RBFOX1: variants seen among roughly 807,000 people sequenced by gnomAD.
RBFOX1 encodes the protein RNA binding fox-1 homolog 1, also known as RNA binding protein fox-1 homolog 1.
A neutral mutation model predicts 57.7 loss-of-function variants in RBFOX1; 8 were observed. The observed-to-expected ratio is 0.14, with a 90% CI of 0.08 to 0.25. The LOEUF (loss-of-function observed/expected upper bound fraction) is 0.25, where lower values mean the gene tolerates loss of function less well. RBFOX1 is among the 10% of genes least tolerant of loss of function. RBFOX1 has a pLI of 1.00. For missense variants in RBFOX1, 611 were observed against 548.5 expected, an observed-to-expected ratio of 1.11 and a Z score of -1.14; for synonymous variants, 326 against 222.4, an observed-to-expected ratio of 1.47 and a Z score of -4.15.
intron 4 of RBFOX1, among the ~76,000 whole-genome samples, chr16:7,163,069 A>G (rs1168651950): frequency 1.3e-5 from 2 of 152,210 alleles, no homozygotes; most frequent in African/African-American, 4.8e-5. Context: ...CATCTTGTTT[A>G]TCTGCCAAGC....
At chr16:6,708,537 C>G (rs1396634040) in intron 3 of RBFOX1, among the ~76,000 whole-genome samples, 1 of 152,152 alleles carries the variant, frequency 6.6e-6, no homozygotes, top group South Asian at 2.1e-4. Flanking sequence ...CAATTTCGCA[C>G]AAATATGTTT....
chr16:7,026,215 A>G (rs1429600516), intron 3 of RBFOX1, among the ~76,000 whole-genome samples: 1 of 152,176 alleles, frequency 6.6e-6, no homozygotes, highest in Non-Finnish European at 1.5e-5. Context: ...CGTCTCTTCT[A>G]GGAAGGCAAG....
chr16:7,325,302 C>G (rs765073888), intron 4 of RBFOX1, among the ~76,000 whole-genome samples: 8 of 152,166 alleles, frequency 5.3e-5, no homozygotes, highest in Admixed American at 1.3e-4. Flanking sequence ...ATCTGAGGCA[C>G]AGAGAGGTTA....
intron 12 of RBFOX1, among the ~76,000 whole-genome samples, chr16:7,658,824 A>G (rs1265291926): frequency 6.6e-6 from 1 of 152,184 alleles, no homozygotes; most frequent in Non-Finnish European, 1.5e-5. Flanking sequence ...TCCTGGGTTC[A>G]AGCAATTCTC....
chr16:7,630,266 A>C (rs566060503), intron 10 of RBFOX1, among the ~76,000 whole-genome samples: 6 of 151,988 alleles, frequency 3.9e-5, no homozygotes, highest in Admixed American at 1.3e-4. Flanking sequence ...CAGGCTTACT[A>C]TCTAGCTCCC....
At chr16:6,213,269 G>A (rs890035139) in intron 1 of RBFOX1, among the ~76,000 whole-genome samples, 1 of 151,978 alleles carries the variant, frequency 6.6e-6, no homozygotes, top group African/African-American at 2.4e-5. Flanking sequence ...CTTTCTAGGT[G>A]GCTTTGTCAT....
At chr16:7,630,582 A>ATCTC in intron 10 of RBFOX1, 21 bp from the exon 11 acceptor site, 1 of 1,609,850 alleles carries the variant, frequency 6.2e-7, no homozygotes, top group Non-Finnish European at 8.5e-7. Flanking sequence ...ACCAGATACC[A>ATCTC]TCTCTCTCTC....
At chr16:7,159,751 G>T (rs111914530) in intron 4 of RBFOX1, among the ~76,000 whole-genome samples, 10 of 152,138 alleles carry the variant, frequency 6.6e-5, no homozygotes, top group African/African-American at 2.4e-4. Flanking sequence ...AGAAATTTCT[G>T]TCTTTCCTCC....
chr16:7,095,726 G>A (rs1439948404), intron 4 of RBFOX1, among the ~76,000 whole-genome samples: 4 of 152,088 alleles, frequency 2.6e-5, no homozygotes, highest in Non-Finnish European at 5.9e-5. Context: ...TCATTTCCTT[G>A]TTAAGAAAAT....
intron 14 of RBFOX1, among the ~76,000 whole-genome samples, chr16:7,695,249 A>T (rs1454644098): frequency 2.0e-5 from 3 of 152,204 alleles, no homozygotes; most frequent in Non-Finnish European, 4.4e-5. Context: ...GAAAAAGGAG[A>T]CACCCATATC....
At chr16:7,239,037 T>C (rs1161925125) in intron 4 of RBFOX1, among the ~76,000 whole-genome samples, 3 of 152,212 alleles carry the variant, frequency 2.0e-5, no homozygotes, top group African/African-American at 2.4e-5. Context: ...TTATCCAGTC[T>C]ATCATTGATG....
intron 1 of RBFOX1, among the ~76,000 whole-genome samples, chr16:5,396,549 C>G (rs992650866): frequency 2.0e-5 from 3 of 152,052 alleles, no homozygotes; most frequent in Admixed American, 6.6e-5. Context: ...GGCTGAGGCA[C>G]AAGAATCACT....
intron 3 of RBFOX1, among the ~76,000 whole-genome samples, chr16:6,837,407 C>T (rs529623527): frequency 5.3e-5 from 8 of 152,190 alleles, no homozygotes; most frequent in Non-Finnish European, 8.8e-5. Context: ...TCACGGTCCA[C>T]CAGCTAGAGC....
intron 4 of RBFOX1, among the ~76,000 whole-genome samples, chr16:7,393,316 C>G (rs558628791): frequency 3.9e-5 from 6 of 152,164 alleles, no homozygotes; most frequent in African/African-American, 1.2e-4. Flanking sequence ...AGATGGGGTA[C>G]TTGATTGGCA....
At chr16:7,149,008 A>G (rs544169652) in intron 4 of RBFOX1, among the ~76,000 whole-genome samples, 3 of 152,346 alleles carry the variant, frequency 2.0e-5, no homozygotes, top group African/African-American at 7.2e-5. Context: ...CCTGGCTTAG[A>G]GAATGCGTCA....
intron 2 of RBFOX1, among the ~76,000 whole-genome samples, chr16:6,436,328 T>G (rs1161173265): frequency 6.6e-6 from 1 of 152,140 alleles, no homozygotes; most frequent in East Asian, 1.9e-4. Flanking sequence ...TCTCTGTTAG[T>G]ATATTTTATA....
chr16:7,492,938 G>C (rs148920126), intron 4 of RBFOX1, among the ~76,000 whole-genome samples: 1 of 152,202 alleles, frequency 6.6e-6, no homozygotes, highest in East Asian at 1.9e-4. Flanking sequence ...GAGTGCAGTG[G>C]TGCGATCTCA....
intron 3 of RBFOX1, among the ~76,000 whole-genome samples, chr16:6,968,019 T>C (rs911530160): frequency 3.9e-5 from 6 of 152,080 alleles, no homozygotes; most frequent in Non-Finnish European, 8.8e-5. Context: ...TCTGCTCTTG[T>C]AAGGAAGCCA....
intron 1 of RBFOX1, among the ~76,000 whole-genome samples, chr16:6,210,867 C>T (rs1026873371): frequency 1.3e-5 from 2 of 152,144 alleles, no homozygotes; most frequent in African/African-American, 4.8e-5. Context: ...TGCAATAGCC[C>T]TAGAGGTGTC....
Sources: allele counts gnomAD v4.1 joint callset (sites outside exome capture counted in the v4.1 genomes callset), GRCh38; gene constraint gnomAD v4.1.1; transcripts MANE v1.5; gene names NCBI Gene and HGNC (gene_info 2026-07-23, HGNC 2026-07-21).